BBX: variants seen among roughly 807,000 people sequenced by gnomAD.
BBX encodes the protein BBX high mobility group box domain containing, also known as HMG box transcription factor BBX.
In BBX, 30 loss-of-function variants were observed where a neutral mutation model predicts 100.2. The ratio of observed to expected loss-of-function variants is 0.30; its 90% CI spans 0.22 to 0.41. The LOEUF (loss-of-function observed/expected upper bound fraction) is 0.41, where lower values mean the gene tolerates loss of function less well. Ranked by LOEUF, BBX falls within the 10% of genes least tolerant of loss-of-function variation. The pLI is 1.00. For synonymous variants in BBX, 376 were observed against 388.1 expected, an observed-to-expected ratio of 0.97 and a Z score of 0.37; for missense variants, 1,023 against 1,129.8, an observed-to-expected ratio of 0.91 and a Z score of 1.35.
intron 15 of BBX, among the ~76,000 whole-genome samples, chr3:107,797,337 AATATATATATATATAT>A (rs369837058): frequency 1.3e-4 from 5 of 39,324 alleles, no homozygotes; most frequent in East Asian, 3.1e-3. Flanking sequence ...TTTTCTTCCA[AATATATATATATATAT>A]ATATATATAT....
At chr3:107,725,410 T>G (rs2062848913) in intron 5 of BBX, among the ~76,000 whole-genome samples, 1 of 152,138 alleles carries the variant, frequency 6.6e-6, no homozygotes, top group Admixed American at 6.6e-5. Flanking sequence ...TTCTTTCTCC[T>G]GCCTGATTGC....
chr3:107,596,452 T>G (rs1282156081), intron 2 of BBX, among the ~76,000 whole-genome samples: 5 of 152,170 alleles, frequency 3.3e-5, no homozygotes, highest in Non-Finnish European at 7.3e-5. Context: ...TATTAACAAT[T>G]TTTTATGGGG....
intron 15 of BBX, 86 bp downstream of exon 15, chr3:107,791,385 A>G (rs1263161552): frequency 5.1e-6 from 6 of 1,167,130 alleles, no homozygotes; most frequent in African/African-American, 1.5e-5. Flanking sequence ...TATAATTTAT[A>G]TAGGTTTAAA....
At chr3:107,618,371 A>G (rs1420654013) in intron 2 of BBX, among the ~76,000 whole-genome samples, 2 of 152,052 alleles carry the variant, frequency 1.3e-5, no homozygotes, top group East Asian at 1.9e-4. Flanking sequence ...TTCGAAAGTA[A>G]TACCAAAATT....
intron 2 of BBX, among the ~76,000 whole-genome samples, chr3:107,638,917 A>G (rs1169404933): frequency 6.6e-6 from 1 of 151,976 alleles, no homozygotes; most frequent in Non-Finnish European, 1.5e-5. Context: ...TGAGCCCAGG[A>G]GGCAGAGGTT....
intron 2 of BBX, among the ~76,000 whole-genome samples, chr3:107,618,875 G>A (rs930814780): frequency 1.3e-5 from 2 of 152,070 alleles, no homozygotes; most frequent in African/African-American, 4.8e-5. Context: ...GTATTCTGCT[G>A]TTGGGTCAGA....
chr3:107,771,381 T>C (rs768062925), intron 10 of BBX, among the ~76,000 whole-genome samples: 6 of 142,718 alleles, frequency 4.2e-5, no homozygotes, highest in Non-Finnish European at 7.6e-5. Flanking sequence ...AACTTTCCCC[T>C]TGAATGTTCT....
At chr3:107,575,948 A>C (rs1421944833) in intron 2 of BBX, among the ~76,000 whole-genome samples, 1 of 152,200 alleles carries the variant, frequency 6.6e-6, no homozygotes, top group Admixed American at 6.5e-5. Context: ...AGGCAGGAGA[A>C]TCAGTTGAAC....
chr3:107,670,053 GT>G (rs1315586469), intron 3 of BBX, among the ~76,000 whole-genome samples: 1 of 152,030 alleles, frequency 6.6e-6, no homozygotes, highest in Non-Finnish European at 1.5e-5. Flanking sequence ...ATGTATATTA[GT>G]ACACCTGAGT....
intron 4 of BBX, among the ~76,000 whole-genome samples, chr3:107,713,508 A>C (rs2061863593): frequency 1.3e-5 from 2 of 152,182 alleles, no homozygotes; most frequent in South Asian, 2.1e-4. Flanking sequence ...AAGAAAAATA[A>C]GTTCTAAACT....
intron 3 of BBX, among the ~76,000 whole-genome samples, chr3:107,701,544 G>A (rs115323029): frequency 0.016 from 2,495 of 152,292 alleles, 21 homozygotes; most frequent in African/African-American, 0.024. Context: ...AAGCCAGACC[G>A]CTGAGTTCAA....
At chr3:107,790,321 G>C (rs1223526688) in intron 14 of BBX, among the ~76,000 whole-genome samples, 1 of 152,038 alleles carries the variant, frequency 6.6e-6, no homozygotes, top group Non-Finnish European at 1.5e-5. Context: ...TCTGACACTT[G>C]GGGATTCTTG....
Position 107,557,319 on chromosome 3 carries a change from AT to A in BBX, c.-84+30922del, listed in dbSNP as rs144244540. On this transcript the variant is annotated intron_variant, in intron 2 of 17. Transcript: ENST00000325805. Reference sequence around the variant, plus strand: ...TTCCATTTTGAGAAGTGTGGCCTTCATCACCAAGATAGCTGTGCAAAATGAT... The same window carrying A: ...TTCCATTTTGAGAAGTGTGGCCTTCACACCAAGATAGCTGTGCAAAATGAT... Among the ~76,000 whole-genome samples, 37 of 152,314 alleles carry A rather than the reference AT, an allele frequency of 2.4e-4. No homozygotes were observed. In the East Asian group the frequency reaches 7.1e-3, roughly 29 times the overall value.
intron 3 of BBX, among the ~76,000 whole-genome samples, chr3:107,707,146 T>G (rs763562757): frequency 7.9e-5 from 12 of 152,228 alleles, no homozygotes; most frequent in Non-Finnish European, 1.6e-4. Flanking sequence ...ACTGTTTTAT[T>G]CATCTTCTGT....
At chr3:107,707,072 T>C (rs976733066) in intron 3 of BBX, among the ~76,000 whole-genome samples, 1 of 152,230 alleles carries the variant, frequency 6.6e-6, no homozygotes, top group African/African-American at 2.4e-5. Context: ...TTCATAGTTA[T>C]TAGATCAATT....
At chr3:107,701,998 G>C (rs909820331) in intron 3 of BBX, among the ~76,000 whole-genome samples, 1 of 152,134 alleles carries the variant, frequency 6.6e-6, no homozygotes, top group Admixed American at 6.5e-5. Flanking sequence ...TAATGGGCAC[G>C]GTGGGATTGA....
chr3:107,577,611 G>GAA (rs1189249470), intron 2 of BBX, among the ~76,000 whole-genome samples: 1 of 152,114 alleles, frequency 6.6e-6, no homozygotes, highest in Non-Finnish European at 1.5e-5. Context: ...GAATAGTGAG[G>GAA]TAAGACATAT....
At chr3:107,622,252 T>C (rs376554908) in intron 2 of BBX, among the ~76,000 whole-genome samples, 3 of 152,220 alleles carry the variant, frequency 2.0e-5, no homozygotes, top group Non-Finnish European at 4.4e-5. Context: ...TTCATCCACA[T>C]TGTTGCTTTA....
At chr3:107,577,696 T>C (rs2107537647) in intron 2 of BBX, among the ~76,000 whole-genome samples, 1 of 152,312 alleles carries the variant, frequency 6.6e-6, no homozygotes, top group Middle Eastern at 3.4e-3. Flanking sequence ...TAGTTCTTAT[T>C]GCTGCAGTAA....
Sources: allele counts gnomAD v4.1 joint callset (sites outside exome capture counted in the v4.1 genomes callset), GRCh38; gene constraint gnomAD v4.1.1; transcripts MANE v1.5; gene names NCBI Gene and HGNC (gene_info 2026-07-23, HGNC 2026-07-21).